The following AUTS2 variants were observed in gnomAD, a reference collection of about 807,000 sequenced individuals.
AUTS2 encodes activator of transcription and developmental regulator AUTS2, also known as autism susceptibility gene 2 protein.
Under a neutral mutation model 112.4 loss-of-function variants are expected in AUTS2, and 17 were observed. That is an observed-to-expected ratio of 0.15 (90% CI 0.10 to 0.23). AUTS2 has a LOEUF of 0.23. Ranked by LOEUF, AUTS2 falls within the 10% of genes least tolerant of loss-of-function variation. The pLI is 1.00. For missense variants in AUTS2, 1,510 were observed against 1,701.6 expected, an observed-to-expected ratio of 0.89 and a Z score of 1.98; for synonymous variants, 751 against 702.7, an observed-to-expected ratio of 1.07 and a Z score of -1.09.
At chr7:69,789,035 A>AG (rs1789500710) in intron 1 of AUTS2, among the ~76,000 whole-genome samples, 1 of 152,190 alleles carries the variant, frequency 6.6e-6, no homozygotes, top group Non-Finnish European at 1.5e-5. Flanking sequence ...GCAAGTCTTT[A>AG]GGCAAGGAGT....
intron 1 of AUTS2, among the ~76,000 whole-genome samples, chr7:69,816,341 A>G (rs1416455101): frequency 6.6e-6 from 1 of 152,204 alleles, no homozygotes; most frequent in Admixed American, 6.5e-5. Context: ...AGTTGGGGTT[A>G]GTACTTTCTT....
At chr7:69,734,893 T>C (rs1340692251) in intron 1 of AUTS2, among the ~76,000 whole-genome samples, 1 of 152,148 alleles carries the variant, frequency 6.6e-6, no homozygotes. Context: ...ATCCACCCCC[T>C]GCCCCATTCT....
At position 70,763,054 on chromosome 7, in the gene AUTS2, G is replaced by A. The variant is rs558852727; in HGVS notation, c.927G>A (p.Pro309=). 3.2e-5 allele frequency: 52 copies of A among 1,614,084 alleles called. 1 individual carries two copies. In the South Asian group the frequency reaches 4.1e-4, roughly 13 times the overall value. Residue 309 remains proline (P), a synonymous_variant, in exon 7 of 19, where the codon CCG becomes CCA. Coordinates refer to ENST00000342771, the MANE Select transcript of AUTS2 (RefSeq NM_015570.4). Reference sequence around the variant, plus strand: ...AGGTCGCACAGCCAATACCCCAGCCGCAGACGGAGCCCCAACTCCGAGCTC... The same window carrying A: ...AGGTCGCACAGCCAATACCCCAGCCACAGACGGAGCCCCAACTCCGAGCTC... ...CPQVAQPIPQ[P]QTEPQLRAPS...
intron 4 of AUTS2, among the ~76,000 whole-genome samples, chr7:70,351,110 G>A (rs951882489): frequency 3.3e-5 from 5 of 150,670 alleles, no homozygotes; most frequent in African/African-American, 1.2e-4. Flanking sequence ...GAGTGCAATG[G>A]CACAATCTCG....
intron 2 of AUTS2, among the ~76,000 whole-genome samples, chr7:69,958,696 T>A (rs1797314228): frequency 6.6e-6 from 1 of 152,158 alleles, no homozygotes; most frequent in African/African-American, 2.4e-5. Flanking sequence ...CAGACGTTTT[T>A]CTGCACCAAA....
intron 4 of AUTS2, among the ~76,000 whole-genome samples, chr7:70,162,370 C>CGGGA (rs1263494716): frequency 7.3e-6 from 1 of 136,508 alleles, no homozygotes; most frequent in Non-Finnish European, 1.5e-5. Context: ...GGCATGAACC[C>CGGGA]GGGAGGCGGA....
intron 5 of AUTS2, among the ~76,000 whole-genome samples, chr7:70,609,198 C>A (rs1270377009): frequency 6.6e-6 from 1 of 152,108 alleles, no homozygotes; most frequent in Non-Finnish European, 1.5e-5. Flanking sequence ...ATTTTACATC[C>A]TTTGACCAAC....
intron 1 of AUTS2, among the ~76,000 whole-genome samples, chr7:69,616,514 T>C (rs1327046026): frequency 6.6e-6 from 1 of 152,170 alleles, no homozygotes; most frequent in Non-Finnish European, 1.5e-5. Flanking sequence ...TGGATGTTTT[T>C]TCCCCCCACA....
chr7:69,942,791 C>T (rs1053554363), intron 2 of AUTS2, among the ~76,000 whole-genome samples: 2 of 152,194 alleles, frequency 1.3e-5, no homozygotes, highest in African/African-American at 2.4e-5. Flanking sequence ...AAAACTGTTA[C>T]GTGACTTGTG....
At chr7:69,817,954 T>A (rs2129526060) in intron 1 of AUTS2, among the ~76,000 whole-genome samples, 1 of 152,356 alleles carries the variant, frequency 6.6e-6, no homozygotes, top group Admixed American at 6.5e-5. Context: ...ATGCTAGGTC[T>A]GAGTGGGTCT....
chr7:69,875,882 G>A (rs780485582), intron 1 of AUTS2, among the ~76,000 whole-genome samples: 20 of 152,112 alleles, frequency 1.3e-4, no homozygotes, highest in East Asian at 3.9e-4. Flanking sequence ...TTATAGTAGC[G>A]TCTAATAGTA....
chr7:70,572,695 G>T (rs545395462), intron 5 of AUTS2, among the ~76,000 whole-genome samples: 18 of 152,238 alleles, frequency 1.2e-4, no homozygotes, highest in African/African-American at 4.3e-4. Context: ...CCAGTGTCGG[G>T]ATGTGGTGGT....
At chr7:70,568,960 G>C (rs548760190) in intron 5 of AUTS2, among the ~76,000 whole-genome samples, 1 of 152,332 alleles carries the variant, frequency 6.6e-6, no homozygotes, top group African/African-American at 2.4e-5. Context: ...ATGGTTCTTG[G>C]AAGAGTTGGT....
chr7:70,024,066 A>T (rs1166235310), intron 2 of AUTS2, among the ~76,000 whole-genome samples: 1 of 152,194 alleles, frequency 6.6e-6, no homozygotes, highest in East Asian at 1.9e-4. Flanking sequence ...GACAAATGTA[A>T]TGGTTACAAG....
At chr7:70,192,952 AG>A (rs1399182329) in intron 4 of AUTS2, among the ~76,000 whole-genome samples, 2 of 152,236 alleles carry the variant, frequency 1.3e-5, no homozygotes, top group Non-Finnish European at 2.9e-5. Flanking sequence ...CTAGAACCCT[AG>A]AAAAACAACC....
chr7:69,708,060 G>C (rs1290300333), intron 1 of AUTS2, among the ~76,000 whole-genome samples: 1 of 152,084 alleles, frequency 6.6e-6, no homozygotes, highest in African/African-American at 2.4e-5. Flanking sequence ...TCCAGAAGGG[G>C]CTCAGAGAAT....
rs766002800 is a variant in AUTS2, at chr7:70,675,124, C to T, written c.691-23445C>T. Among the ~76,000 whole-genome samples, 6 of 152,090 alleles carry T rather than the reference C, an allele frequency of 3.9e-5. No homozygotes were observed. In the South Asian group the frequency reaches 1.0e-3, roughly 26 times the overall value. On this transcript the variant is annotated intron_variant, in intron 5 of 18. Coordinates refer to ENST00000342771, the MANE Select transcript of AUTS2 (RefSeq NM_015570.4). Reference sequence around the variant, plus strand: ...CCCCCCTCAACTCCCTACCTCCAATCGTAGAAAACTGCCTCTGAAATGAAC... The same window carrying T: ...CCCCCCTCAACTCCCTACCTCCAATTGTAGAAAACTGCCTCTGAAATGAAC...
At chr7:69,635,305 A>G (rs545845838) in intron 1 of AUTS2, among the ~76,000 whole-genome samples, 1 of 152,322 alleles carries the variant, frequency 6.6e-6, no homozygotes, top group African/African-American at 2.4e-5. Flanking sequence ...TGCTTTACCT[A>G]CCATAGGGCT....
chr7:70,632,359 G>C (rs1227177487), intron 5 of AUTS2, among the ~76,000 whole-genome samples: 2 of 152,094 alleles, frequency 1.3e-5, no homozygotes, highest in African/African-American at 2.4e-5. Context: ...ATTTCACAAA[G>C]GAGAAGTGAG....
Sources: allele counts gnomAD v4.1 joint callset (sites outside exome capture counted in the v4.1 genomes callset), GRCh38; gene constraint gnomAD v4.1.1; transcripts MANE v1.5; gene names NCBI Gene and HGNC (gene_info 2026-07-23, HGNC 2026-07-21).